KCNH1: variants seen among roughly 807,000 people sequenced by gnomAD.
KCNH1 encodes potassium voltage-gated channel subfamily H member 1, also known as voltage-gated delayed rectifier potassium channel KCNH1.
KCNH1 carries 27 observed loss-of-function variants against 69.2 expected under a neutral mutation model. That is an observed-to-expected ratio of 0.39 (90% CI 0.29 to 0.54). The LOEUF is 0.54. KCNH1 is among the 20% of genes least tolerant of loss of function. KCNH1 has a pLI of 0.68. For synonymous variants in KCNH1, 456 were observed against 487.7 expected (o/e 0.93, Z 0.86); for missense variants, 798 against 1,261.6 (o/e 0.63, Z 5.57).
At chr1:210,830,965 G>A (rs963277873) in intron 7 of KCNH1, among the ~76,000 whole-genome samples, 3 of 152,282 alleles carry the variant, frequency 2.0e-5, no homozygotes, top group Admixed American at 6.5e-5. Context: ...AACCAGCACT[G>A]GTTTTAGATT....
chr1:210,854,956 T>C (rs1401391909), intron 7 of KCNH1, among the ~76,000 whole-genome samples: 5 of 152,150 alleles, frequency 3.3e-5, no homozygotes, highest in South Asian at 2.1e-4. Context: ...ATTCAGACAA[T>C]AGAGGTTTAG....
rs1359785413 is a variant in KCNH1 at position 210,996,895 on chromosome 1, C to T, written c.1032+21888G>A. 3.3e-5 allele frequency among the ~76,000 whole-genome samples: 5 copies of T among 152,176 alleles called. No individual in the cohort carries two copies. The East Asian group carries it at 5.8e-4, about 18-fold the overall frequency. On this transcript the variant is annotated intron_variant, in intron 6 of 10. Transcript: ENST00000271751. Reference sequence around the variant, plus strand: ...TGTTCTGCAGCCACCGCTGCTGATACCCAGGCAAACAGCATCTGGAGTGGA... The same window carrying T: ...TGTTCTGCAGCCACCGCTGCTGATATCCAGGCAAACAGCATCTGGAGTGGA...
At chr1:210,888,191 A>G (rs181162312) in intron 7 of KCNH1, among the ~76,000 whole-genome samples, 206 of 152,328 alleles carry the variant, frequency 1.4e-3, no homozygotes, top group African/African-American at 4.7e-3. Flanking sequence ...AAAAGAACAG[A>G]TATCATAACA....
chr1:210,984,328 G>T (rs995187803), intron 6 of KCNH1, among the ~76,000 whole-genome samples: 1 of 152,148 alleles, frequency 6.6e-6, no homozygotes, highest in African/African-American at 2.4e-5. Flanking sequence ...GGAGTGGTGA[G>T]AGAGGGCATC....
chr1:210,820,022 T>C (rs1478275781), intron 7 of KCNH1, among the ~76,000 whole-genome samples: 1 of 152,162 alleles, frequency 6.6e-6, no homozygotes, highest in African/African-American at 2.4e-5. Context: ...ACAGAAGCAA[T>C]AGCCAATATC....
intron 6 of KCNH1, among the ~76,000 whole-genome samples, chr1:211,018,039 C>G (rs76952218): frequency 6.6e-6 from 1 of 152,268 alleles, no homozygotes; most frequent in Non-Finnish European, 1.5e-5. Flanking sequence ...CTGGCACCTC[C>G]TCTTCCTGTC....
intron 6 of KCNH1, among the ~76,000 whole-genome samples, chr1:210,987,206 AACTTC>A (rs1688856781): frequency 6.6e-6 from 1 of 152,096 alleles, no homozygotes; most frequent in East Asian, 1.9e-4. Context: ...CAAGGTTTTT[AACTTC>A]TTTGCCGTGG....
At chr1:210,845,530 G>C (rs982640190) in intron 7 of KCNH1, among the ~76,000 whole-genome samples, 4 of 147,474 alleles carry the variant, frequency 2.7e-5, no homozygotes, top group East Asian at 2.0e-4. Context: ...ATTCAACAAC[G>C]CTTCATGCTA....
intron 6 of KCNH1, among the ~76,000 whole-genome samples, chr1:210,945,162 A>G (rs1462357282): frequency 6.6e-6 from 1 of 152,232 alleles, no homozygotes; most frequent in Admixed American, 6.5e-5. Flanking sequence ...TCATCTATTA[A>G]TGGGCACTTG....
intron 10 of KCNH1, among the ~76,000 whole-genome samples, chr1:210,697,094 T>C (rs1681661908): frequency 6.6e-6 from 1 of 152,230 alleles, no homozygotes; most frequent in Non-Finnish European, 1.5e-5. Flanking sequence ...AGTCAGTCAG[T>C]GGGTGACCAG....
chr1:210,931,938 G>A (rs1274261881), intron 6 of KCNH1, among the ~76,000 whole-genome samples: 1 of 151,476 alleles, frequency 6.6e-6, no homozygotes, highest in African/African-American at 2.4e-5. Context: ...TAACCCAGAA[G>A]ACAAAGTAAT....
At position 211,082,914 on chromosome 1, in the gene KCNH1, G is replaced by T; in HGVS notation, c.440-16C>A. On this transcript the variant is annotated splice_polypyrimidine_tract_variant and intron_variant, in intron 4 of 10. Coordinates refer to ENST00000271751, the MANE Select transcript of KCNH1 (RefSeq NM_172362.3). The stretch of plus-strand genomic sequence containing the variant: ...TTCCCCCAGCCTGAAGCAAGTGGAA[G>T]AGTGAAAAGACAGGGTCAACCACAT... 6.2e-7 allele frequency: 1 copy of T among 1,603,996 alleles called. No homozygotes were observed. Among genetic ancestry groups the T allele is most frequent in the Non-Finnish European group, 8.5e-7 (1 of 1,171,896 alleles).
At chr1:211,080,072 T>C (rs533705866) in intron 5 of KCNH1, among the ~76,000 whole-genome samples, 1 of 152,260 alleles carries the variant, frequency 6.6e-6, no homozygotes, top group African/African-American at 2.4e-5. Context: ...GAAAACCCCA[T>C]CGTCTCAGCC....
At chr1:210,830,463 G>T (rs1685135160) in intron 7 of KCNH1, among the ~76,000 whole-genome samples, 1 of 152,142 alleles carries the variant, frequency 6.6e-6, no homozygotes, top group South Asian at 2.1e-4. Context: ...GGTGGGGGTT[G>T]GAAGACCTCA....
At chr1:210,933,014 T>C (rs545205064) in intron 6 of KCNH1, among the ~76,000 whole-genome samples, 2 of 152,326 alleles carry the variant, frequency 1.3e-5, no homozygotes, top group Admixed American at 6.5e-5. Context: ...ACAGACGTCA[T>C]AGACATTTAC....
chr1:210,844,223 T>C lies in KCNH1; in HGVS notation c.1463-40057A>G, dbSNP rs371251497. On this transcript the variant is annotated intron_variant, in intron 7 of 10. Transcript: ENST00000271751. ...CACTCTGTCTGGCATAAAACTGGCATTCAAATAGGTTTCTTCCAGCTAGGT... is the reference window on the plus strand; with the variant it reads ...CACTCTGTCTGGCATAAAACTGGCACTCAAATAGGTTTCTTCCAGCTAGGT... Among the ~76,000 whole-genome samples, 3 of 152,290 alleles carry C rather than the reference T, an allele frequency of 2.0e-5. No homozygotes were observed. In the East Asian group the frequency reaches 5.8e-4, roughly 29 times the overall value.
chr1:210,681,647 T>G lies in KCNH1; in HGVS notation c.*1634A>C, dbSNP rs1238588914. ...TGGTGGGCAGTCTCAGACCGGAGGC[T>G]CTCAGAAACACTGAATATCTTTGGT... is the stretch of plus-strand genomic sequence containing the variant. On this transcript the variant is annotated 3_prime_UTR_variant, in exon 11 of 11. Coordinates refer to ENST00000271751, the MANE Select transcript of KCNH1 (RefSeq NM_172362.3). The G allele has an allele frequency of 6.6e-6, 1 of 152,424 alleles. No homozygotes were observed. Among genetic ancestry groups the G allele is most frequent in the Non-Finnish European group, 1.5e-5 (1 of 68,242 alleles). The allele number at this position is 152,424 out of a possible 1,614,324, so 9.4% of individuals were successfully genotyped here. A position where few individuals can be genotyped will look rare whatever the true frequency, so the allele number is the denominator to read the frequency against.
At chr1:210,955,933 T>C (rs961920152) in intron 6 of KCNH1, among the ~76,000 whole-genome samples, 2 of 152,152 alleles carry the variant, frequency 1.3e-5, no homozygotes, top group African/African-American at 4.8e-5. Context: ...GAACTTCCAA[T>C]ACTATGTTGA....
intron 5 of KCNH1, among the ~76,000 whole-genome samples, chr1:211,034,057 A>G (rs1250650162): frequency 6.6e-6 from 1 of 152,232 alleles, no homozygotes; most frequent in East Asian, 1.9e-4. Flanking sequence ...TGCAACTACC[A>G]TATGACCTAG....
Sources: allele counts gnomAD v4.1 joint callset (sites outside exome capture counted in the v4.1 genomes callset), GRCh38; gene constraint gnomAD v4.1.1; transcripts MANE v1.5; gene names NCBI Gene and HGNC (gene_info 2026-07-23, HGNC 2026-07-21).